SLC12A8: variants seen among roughly 807,000 people sequenced by gnomAD.
SLC12A8 encodes the protein solute carrier family 12 member 8, also known as cation-chloride cotransporter 9.
SLC12A8 carries 69 observed loss-of-function variants against 75.6 expected under a neutral mutation model. The observed-to-expected ratio is 0.91, with a 90% confidence interval of 0.75 to 1.11. The LOEUF (loss-of-function observed/expected upper bound fraction) is 1.11, where lower values mean the gene tolerates loss of function less well. Among genes scored for constraint, SLC12A8 ranks in the 50% most tolerant of loss-of-function variants. The pLI, the probability that SLC12A8 is intolerant of heterozygous loss-of-function variation, is 0.00. For missense variants in SLC12A8, 877 were observed against 896.7 expected, an observed-to-expected ratio of 0.98 and a Z score of 0.28; for synonymous variants, 365 against 372.8, an observed-to-expected ratio of 0.98 and a Z score of 0.24.
chr3:125,166,366 A>C (rs950645200), intron 5 of SLC12A8, among the ~76,000 whole-genome samples: 3 of 152,036 alleles, frequency 2.0e-5, no homozygotes, highest in Non-Finnish European at 4.4e-5. Flanking sequence ...GGCTCTCTTG[A>C]GTTGCCGTAG....
intron 10 of SLC12A8, among the ~76,000 whole-genome samples, chr3:125,093,696 G>A (rs1240838236): frequency 1.3e-5 from 2 of 152,082 alleles, no homozygotes; most frequent in Non-Finnish European, 2.9e-5. Flanking sequence ...TATGCCCATT[G>A]GATTATATGC....
At chr3:125,164,521 C>T (rs1258007675) in intron 5 of SLC12A8, among the ~76,000 whole-genome samples, 1 of 152,162 alleles carries the variant, frequency 6.6e-6, no homozygotes, top group Non-Finnish European at 1.5e-5. Flanking sequence ...GAGTGCAGGT[C>T]GAGTGGGAAA....
At chr3:125,149,571 T>A (rs1353797133) in intron 5 of SLC12A8, among the ~76,000 whole-genome samples, 1 of 152,182 alleles carries the variant, frequency 6.6e-6, no homozygotes, top group Non-Finnish European at 1.5e-5. Context: ...AAATATTAAA[T>A]GTGCAACTCA....
intron 8 of SLC12A8, among the ~76,000 whole-genome samples, chr3:125,114,003 C>T (rs1408202947): frequency 1.3e-5 from 2 of 152,168 alleles, no homozygotes; most frequent in Non-Finnish European, 2.9e-5. Context: ...ACCCTAAAAA[C>T]CTTTACAATC....
chr3:125,203,157 C>T (rs932471186), intron 2 of SLC12A8, among the ~76,000 whole-genome samples: 2 of 146,604 alleles, frequency 1.4e-5, no homozygotes, highest in African/African-American at 2.5e-5. Flanking sequence ...CCATACTATG[C>T]AAAGCAATCT....
chr3:125,141,176 G>A (rs929293064), intron 5 of SLC12A8, among the ~76,000 whole-genome samples: 1 of 147,506 alleles, frequency 6.8e-6, no homozygotes, highest in Non-Finnish European at 1.5e-5. Context: ...GGGTGGGGTG[G>A]GGTGCGGGTA....
At chr3:125,084,708 T>C (rs1485868231) in intron 13 of SLC12A8, among the ~76,000 whole-genome samples, 1 of 152,222 alleles carries the variant, frequency 6.6e-6, no homozygotes. Flanking sequence ...AAGCTCAGGC[T>C]GGCTGTCCAG....
chr3:125,107,390 C>T (rs1939053880), intron 10 of SLC12A8, 91 bp downstream of exon 10: 1 of 1,208,078 alleles, frequency 8.3e-7, no homozygotes, highest in South Asian at 1.5e-5. Context: ...ATTTTAAACC[C>T]AGTTATAACT....
Position 125,211,386 on chromosome 3 carries a change from G to C in SLC12A8, c.-37C>G. 1 of 1,581,928 alleles carries C rather than the reference G, an allele frequency of 6.3e-7. No homozygotes were observed. The highest frequency in any genetic ancestry group is 1.1e-5 in the South Asian group (1 of 90,450). ...CAGGGATCCTGGTGATCTGGACAGG[G>C]AGACTGCTCTGGAAGGTAACAGCAT... On this transcript the variant is annotated 5_prime_UTR_variant, in exon 2 of 14. Coordinates refer to ENST00000469902, the MANE Select transcript of SLC12A8 (RefSeq NM_024628.6).
At chr3:125,146,707 C>T (rs2015305) in intron 5 of SLC12A8, among the ~76,000 whole-genome samples, 25,448 of 152,254 alleles carry the variant, frequency 0.17, 2,803 homozygotes, top group Non-Finnish European at 0.25. Flanking sequence ...GGCATGATCA[C>T]GGCTCACTGC....
chr3:125,196,919 C>G (rs181771735), intron 2 of SLC12A8, among the ~76,000 whole-genome samples: 1 of 152,266 alleles, frequency 6.6e-6, no homozygotes, highest in East Asian at 1.9e-4. Flanking sequence ...ACAAAGGAGA[C>G]CTTGTCTCAA....
chr3:125,147,423 C>T (rs1434290404), intron 5 of SLC12A8, among the ~76,000 whole-genome samples: 2 of 152,196 alleles, frequency 1.3e-5, no homozygotes, highest in African/African-American at 4.8e-5. Context: ...CAGAAGTGGC[C>T]CCTTCCTGTG....
intron 5 of SLC12A8, among the ~76,000 whole-genome samples, chr3:125,146,466 A>AAAAC (rs778454496): frequency 3.3e-4 from 50 of 152,312 alleles, no homozygotes; most frequent in African/African-American, 1.0e-3. Context: ...AAAACAAAAC[A>AAAAC]AAACAAACAA....
At chr3:125,120,795 C>A (rs1298353828) in intron 6 of SLC12A8, 109 bp from the exon 7 acceptor site, 1 of 800,274 alleles carries the variant, frequency 1.2e-6, no homozygotes, top group Admixed American at 2.0e-5. Context: ...AGCTGTCCCA[C>A]CGCAAGCCCT....
intron 2 of SLC12A8, among the ~76,000 whole-genome samples, chr3:125,208,815 G>GAA (rs1560087737): frequency 8.1e-5 from 12 of 148,922 alleles, no homozygotes; most frequent in African/African-American, 3.0e-4. Context: ...GAGAGAGAGA[G>GAA]AGAGAGAGAG....
Position 125,187,387 on chromosome 3 carries a change from G to A in SLC12A8, c.240C>T (p.Phe80=), listed in dbSNP as rs753403388. ...CCGTGACGAGGGCCACCAGGATGAC[G>A]AAGGACACCAGGAACATGCCCAGGA... The part of the protein sequence containing the change: ...GVLLGMFLVS[F]VILVALVTVL... The change falls in exon 4 of 14, where the codon TTC becomes TTT. Residue 80 remains phenylalanine, a synonymous_variant. Coordinates refer to ENST00000469902, the MANE Select transcript of SLC12A8 (RefSeq NM_024628.6). 38 of 1,614,066 alleles carry A rather than the reference G, an allele frequency of 2.4e-5. No individual in the cohort carries two copies. The African/African-American group carries it at 2.5e-4, about 11-fold the overall frequency.
intron 2 of SLC12A8, among the ~76,000 whole-genome samples, chr3:125,194,040 C>T (rs1032179222): frequency 6.6e-6 from 1 of 152,192 alleles, no homozygotes; most frequent in Admixed American, 6.5e-5. Flanking sequence ...ATGTACCCTA[C>T]ACCCAGGATT....
chr3:125,155,965 C>G (rs9866321), intron 5 of SLC12A8, among the ~76,000 whole-genome samples: 6,752 of 152,030 alleles, frequency 0.044, 201 homozygotes, highest in Non-Finnish European at 0.061. Flanking sequence ...ACCGTATGCT[C>G]AGGGTGAAAG....
At chr3:125,125,810 AC>A in intron 6 of SLC12A8, 1 of 390,864 alleles carries the variant, frequency 2.6e-6, no homozygotes, top group Non-Finnish European at 3.5e-6. Context: ...TCTTCCTAAC[AC>A]CCCTGCTCTT....
Sources: gnomAD v4.1 joint callset for allele counts (sites outside exome capture counted in the v4.1 genomes callset) on GRCh38, gnomAD v4.1.1 for gene constraint, MANE v1.5 for transcripts, NCBI Gene and HGNC (gene_info 2026-07-23, HGNC 2026-07-21) for gene names.